The following KCNIP4 variants were observed in gnomAD, a reference collection of about 807,000 sequenced individuals.
KCNIP4 encodes the protein Kv channel-interacting protein 4.
A neutral mutation model predicts 34.0 loss-of-function variants in KCNIP4; 12 were observed. The observed-to-expected ratio is 0.35, with a 90% CI of 0.23 to 0.57. The LOEUF (loss-of-function observed/expected upper bound fraction) is 0.57, where lower values mean the gene tolerates loss of function less well. Among genes scored for constraint, KCNIP4 ranks in the 20% least tolerant of loss-of-function variants. KCNIP4 has a pLI of 0.83. For missense variants in KCNIP4, 238 were observed against 311.7 expected (o/e 0.76, Z 1.78); for synonymous variants, 124 against 102.2 (o/e 1.21, Z -1.29).
At chr4:21,083,114 C>T (rs562303842) in intron 1 of KCNIP4, among the ~76,000 whole-genome samples, 10 of 151,832 alleles carry the variant, frequency 6.6e-5, no homozygotes, top group African/African-American at 2.2e-4. Context: ...CTTTTGTTGC[C>T]TTCTTCACTT....
chr4:20,825,225 GTTTTTTT>G (rs71181592), intron 3 of KCNIP4, among the ~76,000 whole-genome samples: 55,300 of 113,344 alleles, frequency 0.49, 10,533 homozygotes, highest in Admixed American at 0.55. Context: ...TCAATTTTAC[GTTTTTTT>G]TTTTTTTTTT....
At chr4:20,830,101 GTCA>G (rs754012482) in intron 3 of KCNIP4, among the ~76,000 whole-genome samples, 7 of 152,126 alleles carry the variant, frequency 4.6e-5, no homozygotes, top group African/African-American at 7.2e-5. Flanking sequence ...AAAGGTCAGA[GTCA>G]TCTCTGAATA....
intron 1 of KCNIP4, among the ~76,000 whole-genome samples, chr4:20,946,199 G>A (rs897910238): frequency 6.6e-6 from 1 of 152,112 alleles, no homozygotes; most frequent in Non-Finnish European, 1.5e-5. Context: ...CTTGGGGTAG[G>A]AAAACATGCT....
At chr4:21,245,770 G>A (rs183680381) in intron 1 of KCNIP4, among the ~76,000 whole-genome samples, 11 of 152,118 alleles carry the variant, frequency 7.2e-5, no homozygotes, top group Admixed American at 5.2e-4. Flanking sequence ...ATCCTCTATC[G>A]CTAACAACAA....
chr4:20,885,423 G>A (rs947165593), intron 1 of KCNIP4, among the ~76,000 whole-genome samples: 1 of 152,114 alleles, frequency 6.6e-6, no homozygotes, highest in East Asian at 1.9e-4. Context: ...CCAGTCCTGT[G>A]ACCCTACCCA....
rs145756889 is a variant in KCNIP4, at chr4:21,671,893, G to A, written c.61+276678C>T. Among the ~76,000 whole-genome samples the A allele has an allele frequency of 7.2e-4, 109 of 152,256 alleles. 1 individual carries two copies. In the East Asian group the frequency reaches 0.02, roughly 28 times the overall value. ...AATGCCCCTTCACTTAAAGGTCTGG[G>A]TTCAAGCAAACGCATCCCACTAGAA... On this transcript the variant is annotated intron_variant, in intron 1 of 8. Transcript: ENST00000382152.
At chr4:21,496,795 G>A (rs1460484) in intron 1 of KCNIP4, among the ~76,000 whole-genome samples, 40,939 of 152,134 alleles carry the variant, frequency 0.27, 5,999 homozygotes, top group Non-Finnish European at 0.34. Context: ...ACCCTGTTGT[G>A]AGCTGCACAT....
chr4:21,087,960 A>AT (rs1424782923), intron 1 of KCNIP4, among the ~76,000 whole-genome samples: 2 of 151,982 alleles, frequency 1.3e-5, no homozygotes, highest in East Asian at 3.9e-4. Context: ...GTCGCTACTT[A>AT]TTTTTTTCCA....
At chr4:21,765,743 G>A (rs779473394) in intron 1 of KCNIP4, among the ~76,000 whole-genome samples, 9 of 146,484 alleles carry the variant, frequency 6.1e-5, no homozygotes, top group Non-Finnish European at 1.0e-4. Context: ...TGGGATTACA[G>A]ATGCAAGCCA....
At chr4:21,354,686 C>T (rs933551154) in intron 1 of KCNIP4, among the ~76,000 whole-genome samples, 3 of 152,130 alleles carry the variant, frequency 2.0e-5, no homozygotes, top group Non-Finnish European at 4.4e-5. Context: ...TAGATTCCCC[C>T]ACAGTAATAA....
At chr4:21,355,415 TAAG>T (rs1193835614) in intron 1 of KCNIP4, among the ~76,000 whole-genome samples, 1 of 151,154 alleles carries the variant, frequency 6.6e-6, no homozygotes, top group African/African-American at 2.4e-5. Flanking sequence ...GCAAGACTAA[TAAG>T]AAGAAAAGAG....
At position 21,008,556 on chromosome 4, in the gene KCNIP4, C is replaced by A. The variant is rs953003925; in HGVS notation, c.62-125847G>T. Among the ~76,000 whole-genome samples the A allele has an allele frequency of 5.9e-5, 9 of 151,886 alleles. No individual in the cohort carries two copies. In the East Asian group the frequency reaches 1.4e-3, roughly 23 times the overall value. ...TGTTTTTTTTTGAGACGGAGTCTCGCTCTGTCGCCCAGGTTGGAGTGCAGT... is the reference window on the plus strand; with the variant it reads ...TGTTTTTTTTTGAGACGGAGTCTCGATCTGTCGCCCAGGTTGGAGTGCAGT... On this transcript the variant is annotated intron_variant, in intron 1 of 8. Coordinates refer to ENST00000382152, the MANE Select transcript of KCNIP4 (RefSeq NM_025221.6).
At chr4:21,658,051 G>T (rs1359753505) in intron 1 of KCNIP4, among the ~76,000 whole-genome samples, 1 of 152,036 alleles carries the variant, frequency 6.6e-6, no homozygotes, top group Non-Finnish European at 1.5e-5. Context: ...TGTTGGCCAG[G>T]ATTGTCTCAA....
At chr4:21,348,001 C>T (rs901057659) in intron 1 of KCNIP4, among the ~76,000 whole-genome samples, 10 of 152,108 alleles carry the variant, frequency 6.6e-5, no homozygotes, top group Non-Finnish European at 1.2e-4. Flanking sequence ...ACCTGCAGGC[C>T]GCTTAAGGAC....
chr4:20,743,921 A>G (rs1190474867), intron 5 of KCNIP4, among the ~76,000 whole-genome samples: 1 of 115,108 alleles, frequency 8.7e-6, no homozygotes, highest in Admixed American at 8.4e-5. Context: ...AATTTACAAG[A>G]AAAAAAAAAA....
intron 1 of KCNIP4, among the ~76,000 whole-genome samples, chr4:21,387,401 AG>A (rs1230077606): frequency 6.6e-6 from 1 of 152,154 alleles, no homozygotes; most frequent in African/African-American, 2.4e-5. Context: ...GCTTAATTGC[AG>A]TATTAACTTC....
intron 1 of KCNIP4, among the ~76,000 whole-genome samples, chr4:21,637,766 A>G (rs1405875735): frequency 6.9e-6 from 1 of 144,732 alleles, no homozygotes; most frequent in East Asian, 2.0e-4. Context: ...CTGGGTGACA[A>G]GAACAAAAGT....
At chr4:21,108,908 C>T (rs2109094469) in intron 1 of KCNIP4, among the ~76,000 whole-genome samples, 1 of 152,326 alleles carries the variant, frequency 6.6e-6, no homozygotes, top group East Asian at 1.9e-4. Context: ...GGCTGCAGAA[C>T]AGCGGATTTT....
At chr4:21,665,865 T>A (rs755778769) in intron 1 of KCNIP4, among the ~76,000 whole-genome samples, 2 of 152,192 alleles carry the variant, frequency 1.3e-5, no homozygotes, top group Non-Finnish European at 2.9e-5. Context: ...CCTGAAGCCT[T>A]CATCCTTCCT....
Sources: gnomAD v4.1 joint callset for allele counts (sites outside exome capture counted in the v4.1 genomes callset) on GRCh38, gnomAD v4.1.1 for gene constraint, MANE v1.5 for transcripts, NCBI Gene and HGNC (gene_info 2026-07-23, HGNC 2026-07-21) for gene names.